RAPGEF4: variants seen among roughly 807,000 people sequenced by gnomAD.
RAPGEF4 encodes the protein Rap guanine nucleotide exchange factor 4, also known as RAP guanine-nucleotide-exchange factor (GEF) 4.
A neutral mutation model predicts 147.9 loss-of-function variants in RAPGEF4; 66 were observed. The observed-to-expected ratio is 0.45, with a 90% confidence interval of 0.37 to 0.55. The LOEUF is 0.55. RAPGEF4 is among the 20% of genes least tolerant of loss of function. The pLI, the probability that RAPGEF4 is intolerant of heterozygous loss-of-function variation, is 0.00. For synonymous variants in RAPGEF4, 419 were observed against 442.7 expected, an observed-to-expected ratio of 0.95 and a Z score of 0.67; for missense variants, 1,071 against 1,257.3, an observed-to-expected ratio of 0.85 and a Z score of 2.24.
chr2:173,025,921 G>A (rs1204549610), intron 23 of RAPGEF4, among the ~76,000 whole-genome samples: 1 of 152,208 alleles, frequency 6.6e-6, no homozygotes, highest in East Asian at 1.9e-4. Flanking sequence ...TTTTAGTGAG[G>A]GGTCTTCCAG....
intron 10 of RAPGEF4, among the ~76,000 whole-genome samples, chr2:172,977,844 A>G (rs1017942377): frequency 2.6e-5 from 4 of 152,180 alleles, no homozygotes; most frequent in Admixed American, 2.0e-4. Flanking sequence ...CTCTCACATC[A>G]TTAAAACATT....
intron 1 of RAPGEF4, among the ~76,000 whole-genome samples, chr2:172,743,167 A>G (rs541479345): frequency 3.3e-5 from 5 of 152,210 alleles, no homozygotes; most frequent in Admixed American, 2.0e-4. Context: ...TTTTTCCTCC[A>G]GTACTTTCAC....
chr2:172,866,340 A>T (rs919066492), intron 4 of RAPGEF4, among the ~76,000 whole-genome samples: 4 of 152,052 alleles, frequency 2.6e-5, no homozygotes, highest in African/African-American at 9.7e-5. Flanking sequence ...CTGAATGTGA[A>T]AGAGAGCCTC....
intron 6 of RAPGEF4, among the ~76,000 whole-genome samples, chr2:172,957,184 C>T (rs1052459705): frequency 6.6e-6 from 1 of 152,226 alleles, no homozygotes; most frequent in African/African-American, 2.4e-5. Flanking sequence ...AGCATGTGTG[C>T]ACAGCATGTA....
intron 4 of RAPGEF4, chr2:172,822,033 A>G: frequency 6.3e-7 from 1 of 1,584,588 alleles, no homozygotes. Flanking sequence ...GAAATACTAC[A>G]TGTTACTGTT....
chr2:172,868,491 G>A (rs3754765), intron 4 of RAPGEF4, among the ~76,000 whole-genome samples: 9,895 of 152,230 alleles, frequency 0.065, 369 homozygotes, highest in Middle Eastern at 0.095. Flanking sequence ...GGGAGACAGA[G>A]GGGAAGGAAT....
chr2:172,957,810 G>T (rs1688895281), intron 6 of RAPGEF4, among the ~76,000 whole-genome samples: 6 of 152,202 alleles, frequency 3.9e-5, no homozygotes, highest in Admixed American at 3.9e-4. Context: ...CTAGCTAAAA[G>T]ACAACCTTGT....
Position 173,048,627 on chromosome 2 carries a change from G to C in RAPGEF4, c.2881G>C (p.Val961Leu). The stretch of plus-strand genomic sequence containing the variant: ...CATGATTGCAAATACGGCCAGAACA[G>C]TGAGATACTACAGGAGCCAACCCTT... ...MRMIANTART[V>L]RYYRSQPFNP... Residue 961 changes from valine (V) to leucine (L), a missense_variant, in exon 30 of 31, where the codon GTG becomes CTG. By Grantham distance (32) the Val-to-Leu change is conservative (BLOSUM62 1). Transcript: ENST00000397081. The C allele has an allele frequency of 1.2e-6, 2 of 1,614,088 alleles. No individual in the cohort carries two copies. The highest frequency in any genetic ancestry group is 1.7e-6 in the Non-Finnish European group (2 of 1,180,008).
At chr2:173,044,123 G>A (rs937295488) in intron 29 of RAPGEF4, among the ~76,000 whole-genome samples, 1 of 152,092 alleles carries the variant, frequency 6.6e-6, no homozygotes, top group African/African-American at 2.4e-5. Context: ...AGTGCTGGCC[G>A]GCTCTATTTA....
intron 8 of RAPGEF4, among the ~76,000 whole-genome samples, chr2:172,963,814 C>G (rs1418175639): frequency 6.6e-6 from 1 of 152,146 alleles, no homozygotes; most frequent in Non-Finnish European, 1.5e-5. Flanking sequence ...GGGCTGAAGC[C>G]TCTCCTGGTG....
At chr2:172,970,981 A>G (rs982161794) in intron 10 of RAPGEF4, among the ~76,000 whole-genome samples, 2 of 152,234 alleles carry the variant, frequency 1.3e-5, no homozygotes, top group African/African-American at 4.8e-5. Context: ...AGACAGGGCC[A>G]TCAAACACTG....
chr2:172,841,807 C>CACACACACACACT (rs1553516902), intron 4 of RAPGEF4, among the ~76,000 whole-genome samples: 6 of 137,672 alleles, frequency 4.4e-5, no homozygotes, highest in African/African-American at 1.1e-4. Flanking sequence ...CACACACACA[C>CACACACACACACT]ACACACACAC....
intron 10 of RAPGEF4, among the ~76,000 whole-genome samples, chr2:172,982,424 T>A (rs1691784209): frequency 6.6e-6 from 1 of 152,192 alleles, no homozygotes; most frequent in African/African-American, 2.4e-5. Flanking sequence ...GTCTCTCAGT[T>A]GACTCCCTAG....
At position 173,016,376 on chromosome 2, in the gene RAPGEF4, G is replaced by T; in HGVS notation, c.1837G>T (p.Ala613Ser). The part of the protein sequence containing the change: ...EEFYVSVSDD[A>S]RMIAALKEQL... ...GTTTTATGTATCTGTATCAGATGAT[G>T]CCCGGATGATTGCTGCCCTCAAGGA... Residue 613 changes from alanine (A) to serine (S), a missense_variant, in exon 19 of 31, where the codon GCC (alanine) becomes TCC (serine). Physicochemically the swap from Ala to Ser is moderately conservative, Grantham distance 99. Coordinates refer to ENST00000397081, the MANE Select transcript of RAPGEF4 (RefSeq NM_007023.4). The T allele has an allele frequency of 6.2e-7, 1 of 1,613,758 alleles. No homozygotes were observed.
chr2:172,794,253 G>T (rs544853455), intron 1 of RAPGEF4, among the ~76,000 whole-genome samples: 3 of 149,722 alleles, frequency 2.0e-5, no homozygotes, highest in Non-Finnish European at 4.4e-5. Context: ...GTAGCGGGCG[G>T]CTGTATTCGC....
intron 6 of RAPGEF4, among the ~76,000 whole-genome samples, chr2:172,932,474 T>C (rs905320583): frequency 2.6e-5 from 4 of 152,354 alleles, no homozygotes; most frequent in Admixed American, 6.5e-5. Context: ...AAAAATAATT[T>C]GTTGCTCACC....
intron 16 of RAPGEF4, 88 bp from the exon 17 acceptor site, chr2:173,001,177 AT>A: frequency 1.3e-6 from 2 of 1,572,356 alleles, no homozygotes. Context: ...GTTAGAACCA[AT>A]GACTAAGAAC....
At chr2:172,903,462 TG>T (rs1310407586) in intron 4 of RAPGEF4, among the ~76,000 whole-genome samples, 2 of 149,212 alleles carry the variant, frequency 1.3e-5, no homozygotes, top group African/African-American at 2.5e-5. Flanking sequence ...CTCTTGAACC[TG>T]GGAGGAGGAG....
At chr2:172,780,542 G>A (rs1008287315) in intron 1 of RAPGEF4, among the ~76,000 whole-genome samples, 13 of 152,116 alleles carry the variant, frequency 8.5e-5, no homozygotes, top group African/African-American at 3.1e-4. Flanking sequence ...GTAAATTTAT[G>A]TCTTCTTTTT....
Sources: gnomAD v4.1 joint callset for allele counts (sites outside exome capture counted in the v4.1 genomes callset) on GRCh38, gnomAD v4.1.1 for gene constraint, MANE v1.5 for transcripts, NCBI Gene and HGNC (gene_info 2026-07-23, HGNC 2026-07-21) for gene names.